The following NSF variants were observed in gnomAD, a reference collection of about 807,000 sequenced individuals.
NSF encodes the protein vesicle-fusing ATPase.
A neutral mutation model predicts 50.3 loss-of-function variants in NSF; 14 were observed. The ratio of observed to expected loss-of-function variants is 0.28; its 90% confidence interval spans 0.18 to 0.44. The LOEUF is 0.44. NSF is among the 20% of genes least tolerant of loss of function. The pLI is 1.00. For synonymous variants in NSF, 109 were observed against 175.7 expected (o/e 0.62, Z 3.00); for missense variants, 218 against 504.3 (o/e 0.43, Z 5.44).
chr17:46,724,705 C>T (rs1042568524), intron 15 of NSF, among the ~76,000 whole-genome samples: 6 of 152,174 alleles, frequency 3.9e-5, no homozygotes, highest in Non-Finnish European at 5.9e-5. Context: ...TTATTTTTGT[C>T]TTATTTATTA....
chr17:46,749,980 A>G, intron 18 of NSF, 73 bp downstream of exon 18: 1 of 1,497,140 alleles, frequency 6.7e-7, no homozygotes, highest in Non-Finnish European at 9.2e-7. Flanking sequence ...GTACCACATT[A>G]TACCTGGTGT....
chr17:46,741,237 G>A (rs2059068168), intron 17 of NSF, among the ~76,000 whole-genome samples: 1 of 152,184 alleles, frequency 6.6e-6, no homozygotes. Context: ...GGGTTTGGGG[G>A]AATGAGGTAA....
Position 46,711,106 on chromosome 17 carries a change from C to A in NSF, c.1614C>A (p.Ser538Arg). The A allele has an allele frequency of 6.6e-7, 1 of 1,510,068 alleles. No homozygotes were observed. The highest frequency in any genetic ancestry group is 8.8e-7 in the Non-Finnish European group (1 of 1,136,080). The allele number at this position is 1,510,068 out of a possible 1,614,324, so 93.5% of individuals were successfully genotyped here. ...ACAGTGACCGCACACCATTGGTCAG[C>A]GTGCTTCTGGAAGGTGAGAATGAAT... The part of the protein sequence containing the change: ...TKNSDRTPLV[S>R]VLLEGPPHSG... Residue 538 changes from serine to arginine, a missense_variant, in exon 14 of 21, where the codon AGC becomes AGA. By Grantham distance (110) the Ser-to-Arg change is moderately radical. Around this residue, in one of 2 missense-constraint regions of NSF, gnomAD observed 209 missense variants for 320.9 expected, o/e 0.65. Transcript: ENST00000398238.
Position 46,756,797 on chromosome 17 carries a change from A to G in NSF, c.*974A>G, listed in dbSNP as rs974199035. ...AAAACACTATTCTCCAGAAAAATCA[A>G]TCATTTTCTAGCCCTCTCCCTCAGT... On this transcript the variant is annotated 3_prime_UTR_variant, in exon 21 of 21. Coordinates refer to ENST00000398238, the MANE Select transcript of NSF (RefSeq NM_006178.4). 1 of 152,668 alleles carries G rather than the reference A, an allele frequency of 6.6e-6. No individual in the cohort carries two copies. Among genetic ancestry groups the G allele is most frequent in the Non-Finnish European group, 1.5e-5 (1 of 68,054 alleles). The allele number at this position is 152,668 out of a possible 1,614,324, so 9.5% of individuals were successfully genotyped here.
At chr17:46,684,265 T>C (rs1345933557) in intron 9 of NSF, among the ~76,000 whole-genome samples, 1 of 104,706 alleles carries the variant, frequency 9.6e-6, no homozygotes, top group Non-Finnish European at 2.0e-5. Flanking sequence ...CTGAGAATGA[T>C]GGTTTCCAGC....
At position 46,625,923 on chromosome 17, in the gene NSF, C is replaced by T. The variant is rs1485648184; in HGVS notation, c.99-690C>T. On this transcript the variant is annotated intron_variant, in intron 2 of 20. Coordinates refer to ENST00000398238, the MANE Select transcript of NSF (RefSeq NM_006178.4). ...AAAAAAAGATACTGCTGCTGCATAA[C>T]AGGATTTGAAGCTTCTATCTTACAC... Among the ~76,000 whole-genome samples the T allele has an allele frequency of 7.1e-5, 9 of 126,214 alleles. 1 individual carries two copies. The highest frequency in any genetic ancestry group is 1.1e-4 in the Non-Finnish European group (7 of 61,660). 82.8% of individuals were successfully genotyped at this position (126,214 alleles called of 152,430 possible).
intron 10 of NSF, among the ~76,000 whole-genome samples, chr17:46,693,443 C>A (rs1200426190): frequency 6.6e-6 from 1 of 151,704 alleles, no homozygotes; most frequent in East Asian, 1.9e-4. Context: ...CGTTTCAGAT[C>A]CTACATCACT....
intron 17 of NSF, among the ~76,000 whole-genome samples, chr17:46,729,600 A>G (rs1412362993): frequency 1.3e-5 from 2 of 152,298 alleles, no homozygotes; most frequent in Non-Finnish European, 2.9e-5. Flanking sequence ...GTCACAAGAC[A>G]TGAGTTCTCT....
At chr17:46,747,095 C>G (rs2059137041) in intron 17 of NSF, among the ~76,000 whole-genome samples, 1 of 152,180 alleles carries the variant, frequency 6.6e-6, no homozygotes, top group Non-Finnish European at 1.5e-5. Flanking sequence ...ACCTGATCAT[C>G]CTATAGTGAA....
chr17:46,729,504 G>A (rs1420270256), intron 17 of NSF, among the ~76,000 whole-genome samples: 1 of 150,670 alleles, frequency 6.6e-6, no homozygotes, highest in African/African-American at 2.4e-5. Flanking sequence ...TTGTGATTTT[G>A]GTAGGTTAAC....
At chr17:46,681,562 CA>C (rs138678088) in intron 9 of NSF, among the ~76,000 whole-genome samples, 5 of 148,248 alleles carry the variant, frequency 3.4e-5, no homozygotes, top group African/African-American at 5.0e-5. Context: ...ATCTCGTCTT[CA>C]AAAAAAAAAC....
At position 46,719,510 on chromosome 17, in the gene NSF, A is replaced by G. The variant is rs956556300; in HGVS notation, c.1761+5524A>G. 6.6e-6 allele frequency among the ~76,000 whole-genome samples: 1 copy of G among 152,196 alleles called. No homozygotes were observed. The highest frequency in any genetic ancestry group is 6.5e-5 in the Admixed American group (1 of 15,276). On this transcript the variant is annotated intron_variant, in intron 15 of 20. Coordinates refer to ENST00000398238, the MANE Select transcript of NSF (RefSeq NM_006178.4). This position sits in a 1 kb window ranked among gnomAD's most constrained non-coding sequence, Gnocchi z 4.3. ...TTGCTTATTAGTGAATCCTTTCTCC[A>G]TGGATAAACTCCTCAAAACTGCTGA... is the stretch of plus-strand genomic sequence containing the variant.
chr17:46,727,725 C>T lies in NSF; in HGVS notation c.1828+1110C>T, dbSNP rs369789526. ...AGCTTTTAGGCACAAACTCATAGCT[C>T]TGTGTAAATTCCTTTATCTTAACAC... On this transcript the variant is annotated intron_variant, in intron 16 of 20. Transcript: ENST00000398238. Among the ~76,000 whole-genome samples, 8 of 152,236 alleles carry T rather than the reference C, an allele frequency of 5.3e-5. No individual in the cohort carries two copies. The East Asian group carries it at 1.5e-3, about 29-fold the overall frequency.
chr17:46,728,400 C>T (rs546186581), intron 16 of NSF, among the ~76,000 whole-genome samples: 198 of 150,932 alleles, frequency 1.3e-3, no homozygotes, highest in African/African-American at 4.6e-3. Flanking sequence ...TTTTTTTTTC[C>T]TTCCAAAATA....
chr17:46,708,363 G>GT (rs939961463), intron 13 of NSF, among the ~76,000 whole-genome samples: 23 of 151,506 alleles, frequency 1.5e-4, no homozygotes, highest in Admixed American at 4.6e-4. Flanking sequence ...ATTATTTTCT[G>GT]TTTTTTTGGT....
At chr17:46,667,849 AC>A (rs1168642629) in intron 8 of NSF, among the ~76,000 whole-genome samples, 8 of 109,298 alleles carry the variant, frequency 7.3e-5, no homozygotes, top group African/African-American at 2.6e-4. Flanking sequence ...TTCTCCTGTT[AC>A]CAACTCCAGC....
At chr17:46,657,400 G>C (rs2058268273) in intron 8 of NSF, among the ~76,000 whole-genome samples, 1 of 152,228 alleles carries the variant, frequency 6.6e-6, no homozygotes, top group Non-Finnish European at 1.5e-5. Flanking sequence ...AAGGTTTCAA[G>C]AGACTTGGAG....
chr17:46,721,438 A>T, intron 15 of NSF: 1 of 606,058 alleles, frequency 1.7e-6, no homozygotes, highest in Non-Finnish European at 2.9e-6. Flanking sequence ...TCTCTTTCAG[A>T]CTTCCCTCCT....
chr17:46,727,876 G>A (rs1013046391), intron 16 of NSF, among the ~76,000 whole-genome samples: 4 of 152,170 alleles, frequency 2.6e-5, no homozygotes, highest in African/African-American at 4.8e-5. Context: ...CACTTGCTGA[G>A]CCCTTCCTCC....
Sources: gnomAD v4.1 joint callset for allele counts (sites outside exome capture counted in the v4.1 genomes callset) on GRCh38, gnomAD v4.1.1 for gene constraint, gnomAD v4.1.1 regional missense constraint, Gnocchi (gnomAD v3.1) non-coding constraint, MANE v1.5 for transcripts, NCBI Gene and HGNC (gene_info 2026-07-23, HGNC 2026-07-21) for gene names.